The following PDZRN4 variants were observed in gnomAD, a reference collection of about 807,000 sequenced individuals.
The protein encoded by PDZRN4 is PDZ domain containing ring finger 4, also known as PDZ domain-containing RING finger protein 4.
A neutral mutation model predicts 99.0 loss-of-function variants in PDZRN4; 70 were observed. The ratio of observed to expected loss-of-function variants is 0.71; its 90% CI spans 0.58 to 0.86. The LOEUF is 0.86. Among genes scored for constraint, PDZRN4 ranks in the 40% least tolerant of loss-of-function variants. The probability of loss-of-function intolerance (pLI) is 0.00; values close to 1 mark genes in which losing one functional copy is unlikely to be tolerated. For missense variants in PDZRN4, 1,474 were observed against 1,331.2 expected, an observed-to-expected ratio of 1.11 and a Z score of -1.67; for synonymous variants, 551 against 501.6, an observed-to-expected ratio of 1.10 and a Z score of -1.32.
At chr12:41,482,379 G>A (rs1204710546) in intron 3 of PDZRN4, among the ~76,000 whole-genome samples, 1 of 152,126 alleles carries the variant, frequency 6.6e-6, no homozygotes, top group African/African-American at 2.4e-5. Flanking sequence ...GAAATATTTA[G>A]TTTAGGATGA....
intron 3 of PDZRN4, among the ~76,000 whole-genome samples, chr12:41,389,347 T>C (rs115768073): frequency 2.2e-4 from 34 of 152,290 alleles, no homozygotes; most frequent in African/African-American, 7.2e-4. Context: ...TTAAAGGCAT[T>C]CTCTAGGCTT....
chr12:41,412,531 C>T (rs1952408034), intron 3 of PDZRN4: 1 of 152,122 alleles, frequency 6.6e-6, no homozygotes, highest in African/African-American at 2.4e-5. Flanking sequence ...TGACATTTAT[C>T]AGTCTCTGTT....
At chr12:41,385,433 A>G (rs1952162352) in intron 3 of PDZRN4, among the ~76,000 whole-genome samples, 1 of 152,210 alleles carries the variant, frequency 6.6e-6, no homozygotes, top group South Asian at 2.1e-4. Context: ...AGCAGAAAGT[A>G]AGGTTGAAGA....
chr12:41,217,605 G>A (rs532388784), intron 3 of PDZRN4, among the ~76,000 whole-genome samples: 28 of 152,186 alleles, frequency 1.8e-4, no homozygotes, highest in African/African-American at 6.5e-4. Flanking sequence ...CAACAAAGAC[G>A]TAGGTAGGTC....
chr12:41,563,978 T>A lies in PDZRN4; in HGVS notation c.1467+329T>A, dbSNP rs76667030. ...GGGGGAAAAGCATACCAAATTGAAT[T>A]GTGATTCTCTCCTTCAATTTGCCAC... On this transcript the variant is annotated intron_variant, in intron 8 of 9. Coordinates refer to ENST00000402685, the MANE Select transcript of PDZRN4 (RefSeq NM_001164595.2). Among the ~76,000 whole-genome samples, 1,308 of 152,320 alleles carry A rather than the reference T, an allele frequency of 8.6e-3. 25 individuals are homozygous for A. The highest frequency in any genetic ancestry group is 0.029 in the African/African-American group (1,224 of 41,574).
chr12:41,422,415 A>G (rs1406105721), intron 3 of PDZRN4, among the ~76,000 whole-genome samples: 1 of 152,184 alleles, frequency 6.6e-6, no homozygotes, highest in Non-Finnish European at 1.5e-5. Flanking sequence ...AAACTCCACT[A>G]GAAATGGATA....
chr12:41,217,754 TC>T (rs916011237), intron 3 of PDZRN4, among the ~76,000 whole-genome samples: 3 of 152,134 alleles, frequency 2.0e-5, no homozygotes, highest in Admixed American at 1.3e-4. Flanking sequence ...ACACCTTCCA[TC>T]CTTGGCCTGC....
At chr12:41,560,162 C>T (rs1939245203) in intron 7 of PDZRN4, among the ~76,000 whole-genome samples, 1 of 152,152 alleles carries the variant, frequency 6.6e-6, no homozygotes, top group Non-Finnish European at 1.5e-5. Context: ...TTGATCACCT[C>T]CTTTGTCTCC....
intron 3 of PDZRN4, among the ~76,000 whole-genome samples, chr12:41,264,238 A>G (rs1438395791): frequency 6.6e-6 from 1 of 152,204 alleles, no homozygotes; most frequent in Non-Finnish European, 1.5e-5. Flanking sequence ...TGCAAAGACT[A>G]TCAAGTGACT....
intron 3 of PDZRN4, chr12:41,473,478 C>T (rs531093873): frequency 4.6e-5 from 7 of 152,290 alleles, no homozygotes; most frequent in Non-Finnish European, 8.8e-5. Flanking sequence ...CAGGAATAAG[C>T]TCTCAGGATT....
At chr12:41,308,783 A>G (rs1375393521) in intron 3 of PDZRN4, among the ~76,000 whole-genome samples, 2 of 152,206 alleles carry the variant, frequency 1.3e-5, no homozygotes, top group Non-Finnish European at 2.9e-5. Context: ...TTTGAGGAAA[A>G]GAGTTTACCC....
intron 5 of PDZRN4, among the ~76,000 whole-genome samples, chr12:41,536,022 T>C (rs930552323): frequency 6.6e-6 from 1 of 152,206 alleles, no homozygotes; most frequent in Admixed American, 6.5e-5. Flanking sequence ...GGTTCCCAGC[T>C]TCATTCTCGT....
intron 3 of PDZRN4, among the ~76,000 whole-genome samples, chr12:41,479,884 C>T (rs1201654657): frequency 1.3e-5 from 2 of 152,140 alleles, no homozygotes; most frequent in African/African-American, 4.8e-5. Flanking sequence ...ACTGTTTCAT[C>T]TACTCTGAAT....
At position 41,188,609 on chromosome 12, in the gene PDZRN4, T is replaced by G; in HGVS notation, c.154T>G (p.Cys52Gly). The change falls in exon 1 of 10, where the codon TGC becomes GGC. Residue 52 changes from cysteine to glycine, a missense_variant. Cys to Gly is a radical substitution (Grantham distance 159). Coordinates refer to ENST00000402685, the MANE Select transcript of PDZRN4 (RefSeq NM_001164595.2). ...GCCCTGGGCGGTGCGGAGGCGCCGG[T>G]GCCCGCTGCAGTGCCAGCCCTTGGC... ...LLPWAVRRRR[C>G]PLQCQPLAPG... 1 of 1,539,378 alleles carries G rather than the reference T, an allele frequency of 6.5e-7. No individual in the cohort carries two copies. The highest frequency in any genetic ancestry group is 1.8e-4 in the Middle Eastern group (1 of 5,450).
intron 3 of PDZRN4, among the ~76,000 whole-genome samples, chr12:41,494,269 A>C (rs1937949116): frequency 6.6e-6 from 1 of 152,146 alleles, no homozygotes; most frequent in African/African-American, 2.4e-5. Context: ...ATTGATGTTT[A>C]AAAATAATTA....
chr12:41,335,450 T>C lies in PDZRN4; in HGVS notation c.843+141262T>C, dbSNP rs181425506. ...TTGTACTTTTTCTTATATATTAATA[T>C]AATCAGATAGAAGGAGCAATAACTC... On this transcript the variant is annotated intron_variant, in intron 3 of 9. Transcript: ENST00000402685. Among the ~76,000 whole-genome samples the C allele has an allele frequency of 4.8e-3, 736 of 152,176 alleles. 5 individuals are homozygous for C. Among genetic ancestry groups the C allele is most frequent in the Non-Finnish European group, 7.5e-3 (510 of 67,984 alleles).
At chr12:41,500,023 G>A (rs1303767997) in intron 3 of PDZRN4, among the ~76,000 whole-genome samples, 1 of 151,914 alleles carries the variant, frequency 6.6e-6, no homozygotes, top group Admixed American at 6.6e-5. Context: ...CAAGTAATAG[G>A]TTAGGCAACA....
At chr12:41,528,670 G>A (rs1938611794) in intron 5 of PDZRN4, among the ~76,000 whole-genome samples, 1 of 152,134 alleles carries the variant, frequency 6.6e-6, no homozygotes, top group Admixed American at 6.5e-5. Context: ...TGTTTGTGTT[G>A]AGAAAACATA....
intron 3 of PDZRN4, among the ~76,000 whole-genome samples, chr12:41,324,062 T>C (rs775536979): frequency 6.6e-6 from 1 of 152,112 alleles, no homozygotes; most frequent in African/African-American, 2.4e-5. Flanking sequence ...CAGTAATATA[T>C]GAAATAGGAT....
Sources: gnomAD v4.1 joint callset for allele counts (sites outside exome capture counted in the v4.1 genomes callset) on GRCh38, gnomAD v4.1.1 for gene constraint, MANE v1.5 for transcripts, NCBI Gene and HGNC (gene_info 2026-07-23, HGNC 2026-07-21) for gene names.